The following MID1 variants were observed in gnomAD, a reference collection of about 807,000 sequenced individuals.
The protein encoded by MID1 is midline 1, also known as E3 ubiquitin-protein ligase Midline-1.
MID1 carries 7 observed loss-of-function variants against 40.4 expected under a neutral mutation model. The ratio of observed to expected loss-of-function variants is 0.17; its 90% CI spans 0.10 to 0.33. The LOEUF (loss-of-function observed/expected upper bound fraction) is 0.33. Among genes scored for constraint, MID1 ranks in the 10% least tolerant of loss-of-function variants. MID1 has a pLI of 1.00. For missense variants in MID1, 367 were observed against 558.5 expected (o/e 0.66, Z 3.46); for synonymous variants, 229 against 221.2 (o/e 1.04, Z -0.31).
intron 2 of MID1, among the ~76,000 whole-genome samples, chrX:10,537,256 T>C (rs1933295792): frequency 1.8e-5 from 2 of 111,515 alleles, no homozygotes; most frequent in African/African-American, 6.5e-5. Context: ...TCCAGACTCA[T>C]CTGTTTATGA....
chrX:10,608,016 G>A (rs760955548), intron 1 of MID1, among the ~76,000 whole-genome samples: 7 of 112,479 alleles, frequency 6.2e-5, no homozygotes, highest in Non-Finnish European at 1.3e-4. Flanking sequence ...GGATTATGAA[G>A]TATCTTCTGC....
chrX:10,579,674 C>G (rs184330533), intron 1 of MID1, among the ~76,000 whole-genome samples: 1 of 111,764 alleles, frequency 8.9e-6, no homozygotes, highest in East Asian at 2.8e-4. Context: ...GAAGCTACCT[C>G]CTGATCTTAA....
Position 10,560,580 on chromosome X carries a change from G to A in MID1, c.660+6308C>T, listed in dbSNP as rs368517582. Among the ~76,000 whole-genome samples the A allele has an allele frequency of 2.4e-4, 27 of 110,639 alleles. No homozygotes were observed. In the East Asian group the frequency reaches 4.3e-3, roughly 17 times the overall value. The stretch of plus-strand genomic sequence containing the variant: ...TGAGCATTCCTATATACCAATAATC[G>A]ACAAGCAGAGAGCCAAATCATGAGT... On this transcript the variant is annotated intron_variant, in intron 2 of 9. Transcript: ENST00000317552.
At position 10,447,571 on chromosome X, in the gene MID1, T is replaced by A. The variant is rs181199467; in HGVS notation, c.*1797A>T. 1 of 111,719 alleles carries A rather than the reference T, an allele frequency of 9.0e-6. No homozygotes were observed. Among genetic ancestry groups the A allele is most frequent in the Non-Finnish European group, 1.9e-5 (1 of 53,077 alleles). 9.2% of individuals were successfully genotyped at this position (111,719 alleles called of 1,213,427 possible). A position where few individuals can be genotyped will look rare whatever the true frequency, so the allele number is the denominator to read the frequency against. Reference sequence around the variant, plus strand: ...CTATAAGGTTTCCAGAGAAAGATTGTTTTTTTTCCATTGAGGCGTCCATCT... The same window carrying A: ...CTATAAGGTTTCCAGAGAAAGATTGATTTTTTTCCATTGAGGCGTCCATCT... On this transcript the variant is annotated 3_prime_UTR_variant, in exon 10 of 10. Coordinates refer to ENST00000317552, the MANE Select transcript of MID1 (RefSeq NM_000381.4).
At chrX:10,628,094 A>AT (rs756321674) in intron 1 of MID1, among the ~76,000 whole-genome samples, 33 of 110,586 alleles carry the variant, frequency 3.0e-4, no homozygotes, top group East Asian at 2.8e-4. Flanking sequence ...TTTTTTTAAC[A>AT]TTTTTAATGG....
chrX:10,792,176 A>G (rs965684402), intron 1 of MID1, among the ~76,000 whole-genome samples: 10 of 112,265 alleles, frequency 8.9e-5, no homozygotes, highest in Non-Finnish European at 3.7e-5. Flanking sequence ...CCAGACATAG[A>G]CAATATGTAA....
rs141401711 is a variant in MID1, at chrX:10,812,397, C to T, written c.-187+21157G>A. Among the ~76,000 whole-genome samples, 419 of 111,274 alleles carry T rather than the reference C, an allele frequency of 3.8e-3. 4 individuals are homozygous for T. The highest frequency in any genetic ancestry group is 0.013 in the African/African-American group (394 of 30,613). Reference sequence around the variant, plus strand: ...GAAATGACAAAGAAACTAATTTAAGCGAAGGTTGTTAAGCAAAAAGATTGA... The same window carrying T: ...GAAATGACAAAGAAACTAATTTAAGTGAAGGTTGTTAAGCAAAAAGATTGA... On this transcript the variant is annotated intron_variant, in intron 1 of 10. Transcript: ENST00000380785.
intron 1 of MID1, among the ~76,000 whole-genome samples, chrX:10,610,617 A>G (rs1935720684): frequency 8.9e-6 from 1 of 111,900 alleles, no homozygotes; most frequent in Non-Finnish European, 1.9e-5. Context: ...ACATTTGCCT[A>G]CAACAAGCAG....
intron 4 of MID1, among the ~76,000 whole-genome samples, chrX:10,486,035 G>A (rs1309052363): frequency 9.0e-6 from 1 of 111,089 alleles, no homozygotes; most frequent in Non-Finnish European, 1.9e-5. Flanking sequence ...ACTTATCCCC[G>A]ACTACTGAAA....
intron 1 of MID1, among the ~76,000 whole-genome samples, chrX:10,632,682 C>T (rs747150115): frequency 4.5e-5 from 5 of 110,601 alleles, no homozygotes; most frequent in Non-Finnish European, 5.7e-5. Context: ...CAGGTAGGGC[C>T]GATGCTGTTG....
At chrX:10,667,243 T>A (rs1239910869) in intron 1 of MID1, among the ~76,000 whole-genome samples, 1 of 111,697 alleles carries the variant, frequency 9.0e-6, no homozygotes, top group Admixed American at 9.5e-5. Flanking sequence ...CTGGAAAATA[T>A]GTTTGGAAGA....
chrX:10,642,137 A>G (rs1936204764), intron 1 of MID1, among the ~76,000 whole-genome samples: 1 of 111,968 alleles, frequency 8.9e-6, no homozygotes, highest in South Asian at 3.7e-4. Context: ...CACCACTCCT[A>G]TTCAACACAG....
chrX:10,640,512 A>C (rs1300432142), intron 1 of MID1, among the ~76,000 whole-genome samples: 2 of 111,582 alleles, frequency 1.8e-5, no homozygotes, highest in African/African-American at 6.6e-5. Context: ...CAGATTCATA[A>C]AGCAAGTCCT....
At chrX:10,615,871 G>T (rs953540234) in intron 1 of MID1, among the ~76,000 whole-genome samples, 1 of 112,473 alleles carries the variant, frequency 8.9e-6, no homozygotes, top group Non-Finnish European at 1.9e-5. Flanking sequence ...GAATCTTCCC[G>T]ATAAACTGCC....
At chrX:10,560,482 G>A (rs1163141829) in intron 2 of MID1, among the ~76,000 whole-genome samples, 9 of 110,524 alleles carry the variant, frequency 8.1e-5, no homozygotes, top group East Asian at 2.8e-4. Context: ...CCATCATCTC[G>A]GCCCCAAAGC....
chrX:10,593,096 T>C (rs1458177520), intron 1 of MID1, among the ~76,000 whole-genome samples: 2 of 112,036 alleles, frequency 1.8e-5, no homozygotes, highest in Non-Finnish European at 1.9e-5. Flanking sequence ...TTAGGAAAAG[T>C]ATAATGTAGA....
At chrX:10,749,298 T>C (rs1044815102) in intron 1 of MID1, among the ~76,000 whole-genome samples, 3 of 111,116 alleles carry the variant, frequency 2.7e-5, no homozygotes, top group Non-Finnish European at 5.6e-5. Flanking sequence ...GACCAGCACG[T>C]TGCTGCTCAA....
chrX:10,588,491 T>C (rs1219841484), intron 1 of MID1, among the ~76,000 whole-genome samples: 2 of 111,589 alleles, frequency 1.8e-5, no homozygotes, highest in Non-Finnish European at 3.8e-5. Context: ...TTACTGAGAA[T>C]ACCTTTAATT....
chrX:10,653,044 G>T (rs191109989), intron 1 of MID1, among the ~76,000 whole-genome samples: 12 of 111,642 alleles, frequency 1.1e-4, no homozygotes, highest in African/African-American at 3.6e-4. Context: ...CTGAACAAGG[G>T]CAGGGACTCA....
Sources: gnomAD v4.1 joint callset for allele counts (sites outside exome capture counted in the v4.1 genomes callset) on GRCh38, gnomAD v4.1.1 for gene constraint, MANE v1.5 for transcripts, NCBI Gene and HGNC (gene_info 2026-07-23, HGNC 2026-07-21) for gene names.